Variants in PCSK5 observed in about 807,000 individuals in gnomAD.
PCSK5 encodes prohormone convertase 5.
PCSK5 carries 129 observed loss-of-function variants against 233.2 expected under a neutral mutation model. The ratio of observed to expected loss-of-function variants is 0.55; its 90% CI spans 0.48 to 0.64. PCSK5 has a LOEUF of 0.64. Among genes scored for constraint, PCSK5 ranks in the 30% least tolerant of loss-of-function variants. PCSK5 has a pLI of 0.00. For missense variants in PCSK5, 2,076 were observed against 2,430.1 expected, an observed-to-expected ratio of 0.85 and a Z score of 3.06; for synonymous variants, 825 against 879.2, an observed-to-expected ratio of 0.94 and a Z score of 1.09.
At chr9:76,087,533 C>T (rs1039719818) in intron 7 of PCSK5, among the ~76,000 whole-genome samples, 1 of 152,132 alleles carries the variant, frequency 6.6e-6, no homozygotes, top group African/African-American at 2.4e-5. Context: ...AATATCATGA[C>T]TAAAAGTAGC....
rs73464461 is a variant in PCSK5, at chr9:75,930,736, T to C, written c.193-1643T>C. ...TTCTGTTTCTTTCCACGAGAACTAC[T>C]GTATTTACCAAAGAGTGCTTTTGAC... On this transcript the variant is annotated intron_variant, in intron 1 of 37. Coordinates refer to ENST00000674117, the MANE Select transcript of PCSK5 (RefSeq NM_001372043.1). Among the ~76,000 whole-genome samples the C allele has an allele frequency of 5.4e-3, 827 of 152,310 alleles. 7 individuals are homozygous for C. Among genetic ancestry groups the C allele is most frequent in the African/African-American group, 0.018 (736 of 41,574 alleles).
rs1454991710 is a variant in PCSK5, at chr9:76,227,370, A to C, written c.2627-133A>C. The C allele has an allele frequency of 6.2e-6, 4 of 650,114 alleles. No homozygotes were observed. The East Asian group carries it at 1.1e-4, about 18-fold the overall frequency. 40.3% of individuals were successfully genotyped at this position (650,114 alleles called of 1,614,324 possible). ...GGATTTGGGACTAGCAGCTGAAGCC[A>C]TTCAGGGCCTCTCCTCTCTGTGTTG... is the stretch of plus-strand genomic sequence containing the variant. On this transcript the variant is annotated intron_variant, in intron 20 of 37. Transcript: ENST00000674117.
At chr9:76,007,035 T>C (rs1458931563) in intron 3 of PCSK5, among the ~76,000 whole-genome samples, 2 of 152,218 alleles carry the variant, frequency 1.3e-5, no homozygotes, top group African/African-American at 4.8e-5. Flanking sequence ...TTTTGTTCTC[T>C]TTCCCATATT....
chr9:76,328,975 A>ATTTTTTTTTTTTTTTTTTTTTTTTTTTTT (rs59466685), intron 33 of PCSK5, among the ~76,000 whole-genome samples: 2 of 123,726 alleles, frequency 1.6e-5, no homozygotes, highest in Non-Finnish European at 1.6e-5. Context: ...CTCCCGGCTA[A>ATTTTTTTTTTTTTTTTTTTTTTTTTTTTT]TTTTTTTTTT....
intron 2 of PCSK5, among the ~76,000 whole-genome samples, chr9:75,944,203 A>G (rs1273550531): frequency 5.3e-5 from 8 of 150,358 alleles, no homozygotes; most frequent in African/African-American, 1.9e-4. Flanking sequence ...ATATATACAC[A>G]TATACATATA....
chr9:75,999,723 G>C (rs1467620123), intron 3 of PCSK5, among the ~76,000 whole-genome samples: 1 of 152,224 alleles, frequency 6.6e-6, no homozygotes, highest in Non-Finnish European at 1.5e-5. Context: ...CAGTGCTGCA[G>C]AGATTTTGTT....
chr9:76,205,419 T>C (rs762135180), intron 20 of PCSK5, among the ~76,000 whole-genome samples: 12 of 152,148 alleles, frequency 7.9e-5, no homozygotes, highest in Admixed American at 1.3e-4. Flanking sequence ...AAAAAACTGA[T>C]GAACAGGTAC....
At chr9:76,120,049 C>T (rs938906503) in intron 9 of PCSK5, among the ~76,000 whole-genome samples, 2 of 151,914 alleles carry the variant, frequency 1.3e-5, no homozygotes, top group East Asian at 1.9e-4. Context: ...TGACAATATG[C>T]GATGCTGTTT....
At chr9:76,215,692 C>A (rs1825500022) in intron 20 of PCSK5, among the ~76,000 whole-genome samples, 1 of 152,074 alleles carries the variant, frequency 6.6e-6, no homozygotes, top group South Asian at 2.1e-4. Flanking sequence ...GAGACCAAGG[C>A]AGGCAGGCGA....
chr9:76,289,986 C>G lies in PCSK5; in HGVS notation c.3143-2247C>G, dbSNP rs111774463. On this transcript the variant is annotated intron_variant, in intron 24 of 37. Coordinates refer to ENST00000674117, the MANE Select transcript of PCSK5 (RefSeq NM_001372043.1). ...TTCATCAGTGACCTGCTTAAAGGAG[C>G]AGAGAGCAAGCTCATTAAGTTCCTA... Among the ~76,000 whole-genome samples, 844 of 152,230 alleles carry G rather than the reference C, an allele frequency of 5.5e-3. 11 individuals carry two copies. The highest frequency in any genetic ancestry group is 0.019 in the African/African-American group (806 of 41,534).
intron 4 of PCSK5, 38 bp downstream of exon 4, chr9:76,023,919 G>A (rs957130410): frequency 6.5e-7 from 1 of 1,548,304 alleles, no homozygotes; most frequent in East Asian, 2.3e-5. Context: ...TTTCCTTCTG[G>A]GAAACAGAGA....
At chr9:76,124,152 C>A (rs1236309650) in intron 9 of PCSK5, among the ~76,000 whole-genome samples, 1 of 152,106 alleles carries the variant, frequency 6.6e-6, no homozygotes, top group East Asian at 1.9e-4. Flanking sequence ...GAGAAACCTG[C>A]CTTCAAATTC....
intron 1 of PCSK5, among the ~76,000 whole-genome samples, chr9:75,905,653 A>G (rs1587340737): frequency 6.6e-6 from 1 of 152,222 alleles, no homozygotes; most frequent in East Asian, 1.9e-4. Flanking sequence ...GTTAGGAACC[A>G]GGCTGAACAG....
In PCSK5 at chr9:76,157,131, G is replaced by A. The variant is rs112718462; in HGVS notation, c.1399G>A (p.Val467Met). 1.2e-5 allele frequency: 20 copies of A among 1,613,144 alleles called. No individual in the cohort carries two copies. Among genetic ancestry groups the A allele is most frequent in the South Asian group, 4.4e-5 (4 of 91,050 alleles). The change falls in exon 11 of 38, where the codon GTG becomes ATG. Residue 467 changes from valine (V) to methionine (M), a missense_variant. Physicochemically the swap from Val to Met is conservative, Grantham distance 21. Around this residue, in one of 6 missense-constraint regions of PCSK5, gnomAD observed 64 missense variants for 68.6 expected, o/e 0.93. Coordinates refer to ENST00000674117, the MANE Select transcript of PCSK5 (RefSeq NM_001372043.1). ...GTGGACCACCGTTCCCCGGCAGCAC[G>A]TGTGTGTGGAGAGCACAGACCGACA... ...EKWTTVPRQH[V>M]CVESTDRQIK...
intron 35 of PCSK5, among the ~76,000 whole-genome samples, chr9:76,343,335 G>A (rs1256305716): frequency 4.6e-5 from 4 of 86,308 alleles, no homozygotes; most frequent in Non-Finnish European, 9.6e-5. Context: ...TGGGTAATTT[G>A]TGTGTGTGTG....
chr9:76,064,102 C>T (rs1830150864), intron 5 of PCSK5, among the ~76,000 whole-genome samples: 1 of 122,936 alleles, frequency 8.1e-6, no homozygotes, highest in African/African-American at 3.7e-5. Flanking sequence ...GCGCCCCTCA[C>T]CTCCCAGACG....
chr9:75,972,078 G>GT (rs1186517833), intron 2 of PCSK5, among the ~76,000 whole-genome samples: 1 of 152,074 alleles, frequency 6.6e-6, no homozygotes, highest in Non-Finnish European at 1.5e-5. Flanking sequence ...AAGGGGTCCA[G>GT]TTTCAATTTT....
In PCSK5 at chr9:76,360,341, A is replaced by G. The variant is rs1460235035; in HGVS notation, c.*1419A>G. 2 of 152,148 alleles carry G rather than the reference A, an allele frequency of 1.3e-5. No homozygotes were observed. Among genetic ancestry groups the G allele is most frequent in the Non-Finnish European group, 2.9e-5 (2 of 68,022 alleles). 9.4% of individuals were successfully genotyped at this position (152,148 alleles called of 1,614,324 possible). ...TTATTCTGTTCTTGTAGGAAACCTG[A>G]GGCTTACAAGAGGTTAGGTAACTAG... On this transcript the variant is annotated 3_prime_UTR_variant, in exon 38 of 38. Coordinates refer to ENST00000674117, the MANE Select transcript of PCSK5 (RefSeq NM_001372043.1).
chr9:76,341,623 T>C (rs1829839272), intron 35 of PCSK5, among the ~76,000 whole-genome samples: 1 of 152,228 alleles, frequency 6.6e-6, no homozygotes. Context: ...ATTTTATCTA[T>C]ATACTTTGGA....
Sources: gnomAD v4.1 joint callset for allele counts (sites outside exome capture counted in the v4.1 genomes callset) on GRCh38, gnomAD v4.1.1 for gene constraint, gnomAD v4.1.1 regional missense constraint, MANE v1.5 for transcripts, NCBI Gene and HGNC (gene_info 2026-07-23, HGNC 2026-07-21) for gene names.